The following PDE1A variants were observed in gnomAD, a reference collection of about 807,000 sequenced individuals.
PDE1A encodes phosphodiesterase 1A, also known as dual specificity calcium/calmodulin-dependent 3',5'-cyclic nucleotide phosphodiesterase 1A.
In PDE1A, 35 loss-of-function variants were observed where a neutral mutation model predicts 61.7. That is an observed-to-expected ratio of 0.57 (90% CI 0.43 to 0.75). PDE1A has a LOEUF of 0.75. Ranked by LOEUF, PDE1A falls within the 30% of genes least tolerant of loss-of-function variation. PDE1A has a pLI of 0.00. For synonymous variants in PDE1A, 232 were observed against 213.2 expected, an observed-to-expected ratio of 1.09 and a Z score of -0.77; for missense variants, 597 against 630.6, an observed-to-expected ratio of 0.95 and a Z score of 0.57.
chr2:182,552,500 G>C, the PDE1A span, among the ~76,000 whole-genome samples: 1 of 146,430 alleles, frequency 6.8e-6, no homozygotes, highest in Non-Finnish European at 1.5e-5. Flanking sequence ...GCTGGAGGGT[G>C]GTGGCGTGAT....
chr2:182,309,230 T>G (rs1695803045), intron 1 of PDE1A, among the ~76,000 whole-genome samples: 1 of 152,020 alleles, frequency 6.6e-6, no homozygotes. Flanking sequence ...AGAACCATGT[T>G]TTTTCCTTCT....
the PDE1A span, among the ~76,000 whole-genome samples, chr2:182,564,640 C>T: frequency 6.6e-6 from 1 of 152,150 alleles, no homozygotes; most frequent in Non-Finnish European, 1.5e-5. Flanking sequence ...TAATATACTG[C>T]AGAGTGTTTT....
chr2:182,297,744 T>G (rs575371621), intron 1 of PDE1A, among the ~76,000 whole-genome samples: 22 of 152,320 alleles, frequency 1.4e-4, no homozygotes, highest in African/African-American at 5.3e-4. Context: ...CAGAGCCCAC[T>G]CTGCCTATGC....
the PDE1A span, among the ~76,000 whole-genome samples, chr2:182,624,068 C>T: frequency 4.2e-5 from 6 of 144,060 alleles, no homozygotes; most frequent in Non-Finnish European, 7.5e-5. Context: ...GAGCTTGCAG[C>T]GAGCTGAGAT....
the PDE1A span, among the ~76,000 whole-genome samples, chr2:182,602,125 G>T: frequency 2.0e-5 from 3 of 152,262 alleles, no homozygotes; most frequent in Non-Finnish European, 4.4e-5. Flanking sequence ...ACTGATAGCA[G>T]GGAGAATCCA....
At chr2:182,656,453 G>C in the PDE1A span, among the ~76,000 whole-genome samples, 9 of 152,278 alleles carry the variant, frequency 5.9e-5, no homozygotes, top group East Asian at 5.8e-4. Flanking sequence ...AAGATGGGAA[G>C]AGCAAAAGAA....
In PDE1A at chr2:182,294,271, T is replaced by G. The variant is rs1238779764; in HGVS notation, c.54-29857A>C. 2.6e-5 allele frequency among the ~76,000 whole-genome samples: 4 copies of G among 152,204 alleles called. No homozygotes were observed. In the East Asian group the frequency reaches 7.7e-4, roughly 29 times the overall value. ...CATAAGTAAACGTGATAAATGTAAA[T>G]TAATCAGAGAGCAATTAATCTGGGC... On this transcript the variant is annotated intron_variant, in intron 1 of 13. Coordinates refer to ENST00000351439, the Ensembl canonical transcript of PDE1A.
chr2:182,357,180 TA>T (rs1256074233), intron 1 of PDE1A, among the ~76,000 whole-genome samples: 1 of 140,380 alleles, frequency 7.1e-6, no homozygotes, highest in African/African-American at 2.7e-5. Context: ...TAAAGTATAA[TA>T]AAAAAATTAA....
intron 1 of PDE1A, among the ~76,000 whole-genome samples, chr2:182,312,831 C>CG (rs1553576365): frequency 6.9e-6 from 1 of 145,144 alleles, no homozygotes; most frequent in Admixed American, 6.8e-5. Context: ...TATGTTTTAC[C>CG]AAAAAAAAAA....
chr2:182,206,582 G>A (rs1248713360), intron 7 of PDE1A, among the ~76,000 whole-genome samples: 1 of 151,868 alleles, frequency 6.6e-6, no homozygotes, highest in African/African-American at 2.4e-5. Context: ...CCTAACCCTG[G>A]CAACCACTGA....
At chr2:182,638,761 T>C in the PDE1A span, among the ~76,000 whole-genome samples, 1 of 152,132 alleles carries the variant, frequency 6.6e-6, no homozygotes. Context: ...GAAAAGTAAA[T>C]GACAAGCCAG....
At chr2:182,162,753 C>G (rs949586927) in intron 13 of PDE1A, among the ~76,000 whole-genome samples, 4 of 152,136 alleles carry the variant, frequency 2.6e-5, no homozygotes, top group African/African-American at 9.7e-5. Flanking sequence ...CTGTGGCCCT[C>G]CAGTTATAGT....
chr2:182,450,427 C>A (rs931388617), intron 2 of PDE1A, among the ~76,000 whole-genome samples: 4 of 152,070 alleles, frequency 2.6e-5, no homozygotes, highest in African/African-American at 9.7e-5. Flanking sequence ...TATGACTCCA[C>A]CTCATGTCAT....
intron 13 of PDE1A, among the ~76,000 whole-genome samples, chr2:182,173,289 T>G (rs190357792): frequency 1.3e-5 from 2 of 152,138 alleles, no homozygotes; most frequent in East Asian, 1.9e-4. Context: ...GGTTGAAAAC[T>G]TTTGAGTTGT....
chr2:182,455,361 G>T (rs1439012106), intron 2 of PDE1A, among the ~76,000 whole-genome samples: 1 of 152,058 alleles, frequency 6.6e-6, no homozygotes, highest in African/African-American at 2.4e-5. Flanking sequence ...ATTCCTCAGG[G>T]ATCTAGAACT....
chr2:182,587,919 T>G, the PDE1A span, among the ~76,000 whole-genome samples: 16 of 152,292 alleles, frequency 1.1e-4, no homozygotes, highest in South Asian at 3.3e-3. Flanking sequence ...GAAAACAACT[T>G]GATGTGACTT....
At chr2:182,318,996 T>C (rs765779051) in intron 1 of PDE1A, among the ~76,000 whole-genome samples, 1 of 152,196 alleles carries the variant, frequency 6.6e-6, no homozygotes, top group Non-Finnish European at 1.5e-5. Context: ...AATGAAGATA[T>C]TCTTTTCATC....
At chr2:182,239,576 T>C (rs998982085) in intron 3 of PDE1A, among the ~76,000 whole-genome samples, 2 of 150,316 alleles carry the variant, frequency 1.3e-5, no homozygotes, top group Non-Finnish European at 3.0e-5. Flanking sequence ...CTAGGGGCCA[T>C]CAAATATCCC....
At chr2:182,265,513 A>G (rs557604496) in intron 1 of PDE1A, among the ~76,000 whole-genome samples, 1 of 152,186 alleles carries the variant, frequency 6.6e-6, no homozygotes, top group South Asian at 2.1e-4. Context: ...AGTCCTTAGG[A>G]TGATGTGTCC....
Sources: allele counts gnomAD v4.1 joint callset (sites outside exome capture counted in the v4.1 genomes callset), GRCh38; gene constraint gnomAD v4.1.1; transcripts MANE v1.5; gene names NCBI Gene and HGNC (gene_info 2026-07-23, HGNC 2026-07-21).